The following IGF2 variants were observed in gnomAD, a reference collection of about 807,000 sequenced individuals.
IGF2 encodes the protein insulin-like growth factor 2.
In IGF2, 2 loss-of-function variants were observed where a neutral mutation model predicts 12.0. The ratio of observed to expected loss-of-function variants is 0.17; its 90% CI spans 0.07 to 0.52. IGF2 has a LOEUF of 0.52. Ranked by LOEUF, IGF2 falls within the 20% of genes least tolerant of loss-of-function variation. The pLI is 0.95. For synonymous variants in IGF2, 105 were observed against 110.1 expected (o/e 0.95, Z 0.29); for missense variants, 211 against 268.0 (o/e 0.79, Z 1.48).
In IGF2 at chr11:2,133,272, C is replaced by A. The variant is rs374348643; in HGVS notation, c.307-49G>T. On this transcript the variant is annotated intron_variant, in intron 3 of 3. Transcript: ENST00000416167. This position sits in a 1 kb window ranked among gnomAD's most constrained non-coding sequence, Gnocchi z 8.9. ...GCAGGTGCCTGCTCTCCACGCTCTT[C>A]CGCCTGAGCCGCCCGCCTGACCTGA... The A allele has an allele frequency of 5.7e-4, 736 of 1,297,780 alleles. 6 individuals are homozygous for A. In the South Asian group the frequency reaches 9.9e-3, roughly 18 times the overall value. 80.4% of individuals were successfully genotyped at this position (1,297,780 alleles called of 1,614,324 possible).
upstream of IGF2, among the ~76,000 whole-genome samples, chr11:2,145,992 C>G (rs971185141): frequency 6.6e-6 from 1 of 152,110 alleles, no homozygotes; most frequent in Non-Finnish European, 1.5e-5. Flanking sequence ...TCCTCCCACC[C>G]AGAGCTTGGC....
chr11:2,145,376 T>A (rs1859855702), upstream of IGF2, among the ~76,000 whole-genome samples: 1 of 152,212 alleles, frequency 6.6e-6, no homozygotes, highest in South Asian at 2.1e-4. Flanking sequence ...GCTCCCGTCA[T>A]GGACAAAACC....
chr11:2,132,043 T>TGTGTGTGTGCTGTATCTC lies in IGF2; in HGVS notation c.*943_*944insGAGATACAGCACACACAC, dbSNP rs59198946. ...CTGTGTGCTGTGTGTGCTGTGCGTT[T>TGTGTGTGTGCTGTATCTC]GTGTGTGTGCTGTGCTCGTGTGTGT... On this transcript the variant is annotated 3_prime_UTR_variant, in exon 4 of 4. Transcript: ENST00000416167. 1.6e-5 allele frequency: 3 copies of TGTGTGTGTGCTGTATCTC among 184,380 alleles called. No individual in the cohort carries two copies. Among genetic ancestry groups the TGTGTGTGTGCTGTATCTC allele is most frequent in the African/African-American group, 2.5e-5 (1 of 39,436 alleles). 11.4% of individuals were successfully genotyped at this position (184,380 alleles called of 1,614,324 possible). A position where few individuals can be genotyped will look rare whatever the true frequency, so the allele number is the denominator to read the frequency against.
intron 1 of IGF2, 139 bp downstream of exon 1, chr11:2,138,090 C>T (rs1353841417): frequency 5.4e-6 from 2 of 367,764 alleles, no homozygotes; most frequent in African/African-American, 2.2e-5. Flanking sequence ...CCTCCTCCTC[C>T]TCCTCCCCCC....
upstream of IGF2, chr11:2,140,042 G>T: frequency 7.8e-7 from 1 of 1,289,478 alleles, no homozygotes. Flanking sequence ...GGCCGGCTGC[G>T]CCGGGCCGAA....
chr11:2,136,575 G>A (rs1211990112), intron 1 of IGF2, among the ~76,000 whole-genome samples: 6 of 152,262 alleles, frequency 3.9e-5, no homozygotes, highest in Non-Finnish European at 7.3e-5. Flanking sequence ...CCCTCCAGGC[G>A]GGCAGCCCCA....
intron 2 of IGF2, 152 bp downstream of exon 2, chr11:2,135,215 G>C (rs779361296): frequency 1.4e-5 from 9 of 662,464 alleles, no homozygotes; most frequent in Middle Eastern, 4.2e-4. Flanking sequence ...GACACCGCAC[G>C]TGCTCAGAAA....
At chr11:2,145,073 C>T (rs1342100505), upstream of IGF2, among the ~76,000 whole-genome samples, 2 of 152,104 alleles carry the variant, frequency 1.3e-5, no homozygotes. Flanking sequence ...GGGAATGTCC[C>T]CTTCAAATTT....
chr11:2,149,199 C>T, the IGF2 span: 1 of 1,613,388 alleles, frequency 6.2e-7, no homozygotes, highest in Non-Finnish European at 8.5e-7. Flanking sequence ...TCACTGGTGC[C>T]CAAGGCTCTC....
upstream of IGF2, chr11:2,139,436 G>T (rs1419157420): frequency 1.4e-5 from 2 of 147,136 alleles, no homozygotes; most frequent in African/African-American, 2.5e-5. Context: ...GCCAGCCCGC[G>T]GCCCAGGGCC....
intron 2 of IGF2, 41 bp downstream of exon 2, chr11:2,135,326 G>A (rs751636621): frequency 2.6e-6 from 4 of 1,544,464 alleles, no homozygotes; most frequent in Middle Eastern, 1.7e-4. Flanking sequence ...GTCACTCTAG[G>A]GGCCTGACCA....
At chr11:2,137,947 G>T (rs1482809666) in intron 1 of IGF2, among the ~76,000 whole-genome samples, 7 of 152,142 alleles carry the variant, frequency 4.6e-5, no homozygotes, top group African/African-American at 1.7e-4. Flanking sequence ...CAGACCGACC[G>T]GGAAGTCGCC....
chr11:2,139,898 C>T (rs1859436383), upstream of IGF2, among the ~76,000 whole-genome samples: 1 of 151,996 alleles, frequency 6.6e-6, no homozygotes, highest in African/African-American at 2.4e-5. Flanking sequence ...TGGGCTCGGG[C>T]GGGGCGCGCA....
chr11:2,136,362 C>G (rs1031244708), intron 1 of IGF2, among the ~76,000 whole-genome samples: 4 of 152,258 alleles, frequency 2.6e-5, no homozygotes, highest in Admixed American at 2.0e-4. Context: ...ACCAAACTCT[C>G]CCCGTGGGAG....
Position 2,138,346 on chromosome 11 carries a change from G to T in IGF2, c.-124C>A. The T allele has an allele frequency of 1.0e-6, 1 of 980,060 alleles. No homozygotes were observed. Among genetic ancestry groups the T allele is most frequent in the Non-Finnish European group, 1.2e-6 (1 of 827,010 alleles). The allele number at this position is 980,060 out of a possible 1,614,324, so 60.7% of individuals were successfully genotyped here. ...GCGCCGCTCTGGCCGAGTCGCGGGG[G>T]CCGAATGTGCGACGGGGCAGAGCGG... On this transcript the variant is annotated 5_prime_UTR_variant, in exon 1 of 4. Coordinates refer to ENST00000416167, the MANE Select transcript of IGF2 (RefSeq NM_000612.6).
chr11:2,148,830 C>A, the IGF2 span: 1 of 447,600 alleles, frequency 2.2e-6, no homozygotes, highest in Non-Finnish European at 4.0e-6. This position sits in a 1 kb window ranked among gnomAD's most constrained non-coding sequence, Gnocchi z 4.3. Flanking sequence ...TCCTCCCCTA[C>A]CCCTCCCATT....
chr11:2,135,711 G>A (rs563390842), intron 1 of IGF2, among the ~76,000 whole-genome samples, 182 bp from the exon 2 acceptor site: 10 of 152,328 alleles, frequency 6.6e-5, no homozygotes, highest in South Asian at 4.1e-4. Flanking sequence ...AGGTGAGGGC[G>A]CAGGGCCATG....
upstream of IGF2, among the ~76,000 whole-genome samples, chr11:2,142,060 C>T (rs1488117229): frequency 6.6e-6 from 1 of 152,124 alleles, no homozygotes; most frequent in East Asian, 1.9e-4. The surrounding 1 kb of genome is among the most constrained non-coding windows in gnomAD (Gnocchi z 5.7). Context: ...AGCTAGGAAA[C>T]TTATAGGTCG....
chr11:2,137,532 G>GC (rs1452497038), intron 1 of IGF2, among the ~76,000 whole-genome samples: 4 of 135,998 alleles, frequency 2.9e-5, no homozygotes, highest in Non-Finnish European at 6.9e-5. Context: ...GCAGTGAAGG[G>GC]GGGGGGGGTC....
Sources: allele counts gnomAD v4.1 joint callset (sites outside exome capture counted in the v4.1 genomes callset), GRCh38; gene constraint gnomAD v4.1.1; non-coding constraint Gnocchi (gnomAD v3.1); transcripts MANE v1.5; gene names NCBI Gene and HGNC (gene_info 2026-07-23, HGNC 2026-07-21).